Variants in KSR2 observed in about 807,000 individuals in gnomAD.
The protein encoded by KSR2 is kinase suppressor of ras 2.
A neutral mutation model predicts 107.8 loss-of-function variants in KSR2; 25 were observed. That is an observed-to-expected ratio of 0.23 (90% confidence interval 0.17 to 0.32). The LOEUF (loss-of-function observed/expected upper bound fraction) is 0.32, where lower values mean the gene tolerates loss of function less well. KSR2 is among the 10% of genes least tolerant of loss of function. KSR2 has a pLI of 1.00. For missense variants in KSR2, 887 were observed against 1,268.9 expected, an observed-to-expected ratio of 0.70 and a Z score of 4.57; for synonymous variants, 480 against 507.0, an observed-to-expected ratio of 0.95 and a Z score of 0.71.
chr12:117,609,983 A>G (rs907750119), intron 5 of KSR2, among the ~76,000 whole-genome samples: 2 of 152,138 alleles, frequency 1.3e-5, no homozygotes, highest in African/African-American at 4.8e-5. Context: ...AGCTGACCCA[A>G]CTTCCTTTTT....
intron 5 of KSR2, among the ~76,000 whole-genome samples, chr12:117,623,089 T>C (rs1882278980): frequency 6.6e-6 from 1 of 152,212 alleles, no homozygotes; most frequent in Non-Finnish European, 1.5e-5. Flanking sequence ...TTGAGCCTCA[T>C]TTTCCTCTGC....
At chr12:117,671,146 C>T (rs1294497492) in intron 4 of KSR2, among the ~76,000 whole-genome samples, 3 of 152,196 alleles carry the variant, frequency 2.0e-5, no homozygotes, top group Non-Finnish European at 2.9e-5. Flanking sequence ...CCTGGCTAAA[C>T]CCTACTTGTC....
At chr12:117,498,684 C>A (rs1170992448) in intron 14 of KSR2, among the ~76,000 whole-genome samples, 1 of 151,978 alleles carries the variant, frequency 6.6e-6, no homozygotes, top group East Asian at 1.9e-4. Context: ...TGGGAGGGAC[C>A]CAGTGGGAGA....
At chr12:117,864,864 G>C (rs1011058096) in intron 1 of KSR2, among the ~76,000 whole-genome samples, 5 of 151,952 alleles carry the variant, frequency 3.3e-5, no homozygotes, top group African/African-American at 1.2e-4. Flanking sequence ...TCCAGATAAG[G>C]TCATATTCTG....
intron 1 of KSR2, among the ~76,000 whole-genome samples, chr12:117,878,248 A>C (rs1481036242): frequency 6.6e-6 from 1 of 152,154 alleles, no homozygotes; most frequent in African/African-American, 2.4e-5. Flanking sequence ...CAATAATAAC[A>C]CACGCTTTCA....
intron 5 of KSR2, among the ~76,000 whole-genome samples, chr12:117,621,554 T>A (rs992367110): frequency 2.6e-5 from 4 of 152,114 alleles, no homozygotes; most frequent in Non-Finnish European, 4.4e-5. Flanking sequence ...TTAAATGATA[T>A]AGGCATGAAA....
intron 3 of KSR2, among the ~76,000 whole-genome samples, chr12:117,786,285 C>T (rs1890071979): frequency 6.6e-6 from 1 of 151,744 alleles, no homozygotes; most frequent in Non-Finnish European, 1.5e-5. Context: ...GTCCCACTCA[C>T]TCATATATTA....
At chr12:117,914,223 G>A (rs2137437197) in intron 1 of KSR2, among the ~76,000 whole-genome samples, 1 of 152,218 alleles carries the variant, frequency 6.6e-6, no homozygotes, top group East Asian at 1.9e-4. Context: ...GAGCCCAGGA[G>A]TTTGAGACCA....
chr12:117,625,332 T>A (rs1359518790), intron 5 of KSR2, among the ~76,000 whole-genome samples: 2 of 152,236 alleles, frequency 1.3e-5, no homozygotes, highest in Non-Finnish European at 2.9e-5. Context: ...TGATATTGGC[T>A]GTGGGTTTGT....
At chr12:117,906,716 T>A (rs1343278326) in intron 1 of KSR2, among the ~76,000 whole-genome samples, 1 of 152,112 alleles carries the variant, frequency 6.6e-6, no homozygotes, top group Non-Finnish European at 1.5e-5. Flanking sequence ...TTCTCAGTGT[T>A]CAGTGAGCAT....
At chr12:117,799,487 CGA>C (rs1890753273) in intron 3 of KSR2, among the ~76,000 whole-genome samples, 1 of 145,872 alleles carries the variant, frequency 6.9e-6, no homozygotes, top group African/African-American at 2.6e-5. Context: ...GGCAACAGAG[CGA>C]AGACTCCACC....
rs962457054 is a variant in KSR2, at chr12:117,494,231, G to A, written c.2220-8540C>T. On this transcript the variant is annotated intron_variant, in intron 14 of 19. Transcript: ENST00000339824. ...AGCTTCTATGGGGGTCTGCACCTGC[G>A]GTCTCCTTTGCCACAGTCCTCACCA... Among the ~76,000 whole-genome samples the A allele has an allele frequency of 2.6e-5, 4 of 152,162 alleles. No individual in the cohort carries two copies. In the East Asian group the frequency reaches 5.8e-4, roughly 22 times the overall value.
intron 16 of KSR2, among the ~76,000 whole-genome samples, chr12:117,479,856 A>C (rs1872047301): frequency 6.6e-6 from 1 of 152,186 alleles, no homozygotes; most frequent in Non-Finnish European, 1.5e-5. Context: ...CTTACTTACT[A>C]GCTATGGAAC....
chr12:117,712,325 T>C (rs1886815787), intron 4 of KSR2, among the ~76,000 whole-genome samples: 1 of 152,122 alleles, frequency 6.6e-6, no homozygotes, highest in African/African-American at 2.4e-5. Flanking sequence ...GGATGAAGTC[T>C]GGGGACAGGG....
rs184249550 is a variant in KSR2, at chr12:117,819,963, A to T, written c.472+35465T>A. On this transcript the variant is annotated intron_variant, in intron 3 of 19. Transcript: ENST00000339824. ...CTAAAAGGTTTTATAATTAAAATGT[A>T]ATCCCTTTACTTGGGTAATTTTGAA... Among the ~76,000 whole-genome samples, 3 of 152,336 alleles carry T rather than the reference A, an allele frequency of 2.0e-5. No individual in the cohort carries two copies. The East Asian group carries it at 5.8e-4, about 29-fold the overall frequency.
intron 4 of KSR2, among the ~76,000 whole-genome samples, chr12:117,676,425 A>G (rs1360100273): frequency 3.3e-5 from 5 of 152,256 alleles, no homozygotes; most frequent in African/African-American, 1.2e-4. Flanking sequence ...CGTCAAATCT[A>G]TAATTTCATA....
intron 1 of KSR2, among the ~76,000 whole-genome samples, chr12:117,891,607 T>C (rs1361040459): frequency 6.6e-6 from 1 of 151,994 alleles, no homozygotes; most frequent in Non-Finnish European, 1.5e-5. Context: ...AAATGAAATG[T>C]TTTATTATAA....
At chr12:117,805,140 C>T (rs955034103) in intron 3 of KSR2, among the ~76,000 whole-genome samples, 1 of 152,198 alleles carries the variant, frequency 6.6e-6, no homozygotes, top group Non-Finnish European at 1.5e-5. Context: ...TTGGCATTCA[C>T]CCCACCAGAA....
At chr12:117,753,343 A>G (rs1264535157) in intron 4 of KSR2, among the ~76,000 whole-genome samples, 1 of 152,176 alleles carries the variant, frequency 6.6e-6, no homozygotes, top group Non-Finnish European at 1.5e-5. Context: ...TAAAAATCCA[A>G]GATTTTTCCT....
Sources: allele counts gnomAD v4.1 joint callset (sites outside exome capture counted in the v4.1 genomes callset), GRCh38; gene constraint gnomAD v4.1.1; transcripts MANE v1.5; gene names NCBI Gene and HGNC (gene_info 2026-07-23, HGNC 2026-07-21).